RANBP2: variants seen among roughly 807,000 people sequenced by gnomAD.
RANBP2 encodes the protein RAN binding protein 2.
In RANBP2, 57 loss-of-function variants were observed where a neutral mutation model predicts 303.6. The observed-to-expected ratio is 0.19, with a 90% CI of 0.15 to 0.23. The LOEUF is 0.23. Among genes scored for constraint, RANBP2 ranks in the 10% least tolerant of loss-of-function variants. The pLI is 1.00. For synonymous variants in RANBP2, 1,167 were observed against 1,301.5 expected (o/e 0.90, Z 2.23); for missense variants, 3,138 against 3,780.8 (o/e 0.83, Z 4.46).
chr2:109,574,835 A>G, the RANBP2 span: 1 of 1,153,394 alleles, frequency 8.7e-7, no homozygotes, highest in East Asian at 2.6e-5. Context: ...TGCAACTCTT[A>G]GAAGTTTGAG....
the RANBP2 span, among the ~76,000 whole-genome samples, chr2:109,572,863 C>T: frequency 2.0e-5 from 3 of 152,224 alleles, no homozygotes; most frequent in Non-Finnish European, 2.9e-5. Context: ...GATCCGCCTG[C>T]CTTGGCCTCC....
chr2:108,960,622 G>A, the RANBP2 span, among the ~76,000 whole-genome samples: 3 of 152,058 alleles, frequency 2.0e-5, no homozygotes, highest in Non-Finnish European at 1.5e-5. Context: ...ATATTTTCCT[G>A]ATTGTAAAAA....
chr2:108,756,658 G>A (rs1676336248), intron 17 of RANBP2, among the ~76,000 whole-genome samples: 1 of 152,222 alleles, frequency 6.6e-6, no homozygotes, highest in African/African-American at 2.4e-5. Context: ...ATTGTATTCT[G>A]TGGAAGTATC....
the RANBP2 span, among the ~76,000 whole-genome samples, chr2:108,976,865 C>A: frequency 6.6e-6 from 1 of 152,100 alleles, no homozygotes. Flanking sequence ...GTGCTCCAGG[C>A]TCCTCTTGTA....
At chr2:108,775,404 C>G (rs13391793) in intron 23 of RANBP2, among the ~76,000 whole-genome samples, 3,682 of 152,194 alleles carry the variant, frequency 0.024, 144 homozygotes, top group African/African-American at 0.084. Context: ...ATTGGCAGTT[C>G]CAGTTTTTTT....
At chr2:109,575,240 T>C in the RANBP2 span, among the ~76,000 whole-genome samples, 1 of 152,176 alleles carries the variant, frequency 6.6e-6, no homozygotes, top group East Asian at 1.9e-4. Flanking sequence ...GCAGTCTAAT[T>C]TGTAATTACT....
chr2:108,759,487 G>T lies in RANBP2; in HGVS notation c.2602+939G>T, dbSNP rs185363001. Among the ~76,000 whole-genome samples the T allele has an allele frequency of 4.6e-3, 697 of 152,088 alleles. 2 individuals carry two copies. Among genetic ancestry groups the T allele is most frequent in the Non-Finnish European group, 7.4e-3 (503 of 67,978 alleles). On this transcript the variant is annotated intron_variant, in intron 18 of 28. Coordinates refer to ENST00000283195, the MANE Select transcript of RANBP2 (RefSeq NM_006267.5). ...CTTCTGAAATGGTAGTAGTAGTAGT[G>T]CCCTTTTTTTTTCTCTTTTTAGCCC...
chr2:109,672,596 T>G, the RANBP2 span, among the ~76,000 whole-genome samples: 1 of 152,216 alleles, frequency 6.6e-6, no homozygotes, highest in South Asian at 2.1e-4. Context: ...TTACCTTCGG[T>G]ATGAACTGTT....
At chr2:109,472,287 G>A in the RANBP2 span, among the ~76,000 whole-genome samples, 3 of 151,872 alleles carry the variant, frequency 2.0e-5, no homozygotes, top group Non-Finnish European at 4.4e-5. Context: ...GAAGACGGTG[G>A]CAGGAGAGGA....
the RANBP2 span, among the ~76,000 whole-genome samples, chr2:108,931,268 A>G: frequency 6.6e-6 from 1 of 152,218 alleles, no homozygotes; most frequent in African/African-American, 2.4e-5. Context: ...GGAGGCTAGG[A>G]GCACACGGAG....
chr2:108,922,619 A>G, the RANBP2 span, among the ~76,000 whole-genome samples: 1 of 152,130 alleles, frequency 6.6e-6, no homozygotes, highest in Non-Finnish European at 1.5e-5. Flanking sequence ...GTGGCGCCTT[A>G]TGGAGAGCAA....
chr2:109,503,269 A>T, the RANBP2 span: 1 of 152,236 alleles, frequency 6.6e-6, no homozygotes, highest in Non-Finnish European at 1.5e-5. Flanking sequence ...AGCCTTTGGT[A>T]ACATAGGGTG....
the RANBP2 span, among the ~76,000 whole-genome samples, chr2:109,198,834 G>A: frequency 6.6e-6 from 1 of 152,158 alleles, no homozygotes; most frequent in Admixed American, 6.5e-5. Flanking sequence ...TGTGTTCCCC[G>A]GCTGCAGACC....
chr2:109,434,159 AG>A, the RANBP2 span, among the ~76,000 whole-genome samples: 1 of 152,190 alleles, frequency 6.6e-6, no homozygotes, highest in Non-Finnish European at 1.5e-5. Flanking sequence ...CCTCTAGGTT[AG>A]GGGACTCCCT....
chr2:108,734,632 G>T (rs770369346), intron 4 of RANBP2, among the ~76,000 whole-genome samples: 137 of 152,118 alleles, frequency 9.0e-4, no homozygotes, highest in Non-Finnish European at 1.4e-3. Context: ...ACTTGATGAT[G>T]TTATTGTCTT....
chr2:109,730,776 CTTTTTTTTTTTTT>C, the RANBP2 span, among the ~76,000 whole-genome samples: 41 of 79,406 alleles, frequency 5.2e-4, 1 homozygote, highest in Admixed American at 3.3e-3. Context: ...CTCTCTCTCT[CTTTTTTTTTTTTT>C]TTTTTTTTTT....
At chr2:108,957,651 T>C in the RANBP2 span, among the ~76,000 whole-genome samples, 1 of 152,220 alleles carries the variant, frequency 6.6e-6, no homozygotes, top group Non-Finnish European at 1.5e-5. Flanking sequence ...ACAACATAAT[T>C]GATGCGGCCT....
chr2:109,437,058 G>A, the RANBP2 span: 9 of 1,613,398 alleles, frequency 5.6e-6, no homozygotes, highest in African/African-American at 5.3e-5. Context: ...CCCACGCCCA[G>A]CACCCCACAG....
chr2:109,052,351 CG>C, the RANBP2 span, among the ~76,000 whole-genome samples: 3 of 152,080 alleles, frequency 2.0e-5, no homozygotes, highest in African/African-American at 7.2e-5. Context: ...GAAAGGGGGG[CG>C]TATTGCAACA....
Sources: gnomAD v4.1 joint callset for allele counts (sites outside exome capture counted in the v4.1 genomes callset) on GRCh38, gnomAD v4.1.1 for gene constraint, MANE v1.5 for transcripts, NCBI Gene and HGNC (gene_info 2026-07-23, HGNC 2026-07-21) for gene names.